TRDN: variants seen among roughly 807,000 people sequenced by gnomAD.
The protein encoded by TRDN is triadin, also known as triadin in skeletal muscle.
Under a neutral mutation model 149.7 loss-of-function variants are expected in TRDN, and 161 were observed. That is an observed-to-expected ratio of 1.08 (90% confidence interval 0.95 to 1.23). The LOEUF (loss-of-function observed/expected upper bound fraction) is 1.23. Ranked by LOEUF, TRDN falls within the 50% of genes most tolerant of loss-of-function variation. The pLI is 0.00. For missense variants in TRDN, 896 were observed against 823.5 expected (o/e 1.09, Z -1.08); for synonymous variants, 294 against 250.5 (o/e 1.17, Z -1.64).
chr6:123,465,044 A>G (rs377043949), intron 9 of TRDN, 61 bp from the exon 10 acceptor site: 3 of 1,516,094 alleles, frequency 2.0e-6, no homozygotes, highest in African/African-American at 1.4e-5. Flanking sequence ...AATATCCACA[A>G]CTAAAAAGCT....
intron 9 of TRDN, chr6:123,488,664 T>A (rs1414248088): frequency 1.3e-5 from 2 of 152,198 alleles, no homozygotes; most frequent in African/African-American, 4.8e-5. Context: ...TTGATCTTTT[T>A]AATTTCATTC....
At chr6:123,239,067 C>G (rs1041962950) in intron 38 of TRDN, among the ~76,000 whole-genome samples, 4 of 152,128 alleles carry the variant, frequency 2.6e-5, no homozygotes, top group African/African-American at 9.7e-5. Flanking sequence ...TCTTGATCTC[C>G]TGACCTCATG....
intron 1 of TRDN, among the ~76,000 whole-genome samples, chr6:123,597,674 C>T (rs534771005): frequency 2.6e-5 from 4 of 152,186 alleles, no homozygotes; most frequent in East Asian, 1.9e-4. Flanking sequence ...CAGACATCAA[C>T]ATCAAGGCAA....
rs542325132 is a variant in TRDN at position 123,260,715 on chromosome 6, T to C, written c.1805-77A>G. 147 of 1,167,498 alleles carry C rather than the reference T, an allele frequency of 1.3e-4. 1 individual carries two copies. In the African/African-American group the frequency reaches 2.2e-3, roughly 17 times the overall value. The allele number at this position is 1,167,498 out of a possible 1,614,324, so 72.3% of individuals were successfully genotyped here. On this transcript the variant is annotated intron_variant, in intron 33 of 40. Transcript: ENST00000334268. ...AGAAAAAGTATAGTTTTTTATTCAG[T>C]AGCAAACAATTGAAACTTATCTTCT...
At chr6:123,320,137 CAATT>C (rs1296183079) in intron 23 of TRDN, among the ~76,000 whole-genome samples, 2 of 151,344 alleles carry the variant, frequency 1.3e-5, no homozygotes, top group Non-Finnish European at 1.5e-5. Flanking sequence ...ATTTTTTTCT[CAATT>C]TATTTTGTTA....
chr6:123,261,158 T>G (rs1173415583), intron 33 of TRDN, among the ~76,000 whole-genome samples: 1 of 151,884 alleles, frequency 6.6e-6, no homozygotes, highest in East Asian at 1.9e-4. Context: ...TTAAAAAACA[T>G]ACGATATAAT....
chr6:123,286,747 G>T (rs533584300), intron 24 of TRDN, among the ~76,000 whole-genome samples: 2 of 152,038 alleles, frequency 1.3e-5, no homozygotes, highest in South Asian at 2.1e-4. Flanking sequence ...TTCAGCATGT[G>T]GGGGAGTGTT....
At position 123,383,668 on chromosome 6, in the gene TRDN, C is replaced by T. The variant is rs1781802544; in HGVS notation, c.1136-1521G>A. 2.6e-5 allele frequency among the ~76,000 whole-genome samples: 4 copies of T among 151,698 alleles called. No homozygotes were observed. The South Asian group carries it at 8.3e-4, about 31-fold the overall frequency. On this transcript the variant is annotated intron_variant, in intron 14 of 40. Coordinates refer to ENST00000334268, the MANE Select transcript of TRDN (RefSeq NM_006073.4). ...ACTAAATAAGATAAATTAAATAATG[C>T]AAAATAAAAATAAAAACATAATATA...
chr6:123,263,411 G>A (rs574322547), intron 33 of TRDN, among the ~76,000 whole-genome samples: 2 of 152,176 alleles, frequency 1.3e-5, no homozygotes, highest in African/African-American at 2.4e-5. Context: ...TAACGTAAAA[G>A]TATAAGATGA....
chr6:123,328,453 T>C (rs1351230326), intron 23 of TRDN, among the ~76,000 whole-genome samples: 1 of 152,204 alleles, frequency 6.6e-6, no homozygotes, highest in Non-Finnish European at 1.5e-5. Context: ...TATTTCAGCC[T>C]GAGAACTGTA....
At chr6:123,599,691 AG>A (rs1784192557) in intron 1 of TRDN, among the ~76,000 whole-genome samples, 2 of 151,988 alleles carry the variant, frequency 1.3e-5, no homozygotes, top group Non-Finnish European at 2.9e-5. Context: ...AGAATGTATG[AG>A]GGTTGGTTAT....
At chr6:123,452,069 A>G (rs1775810280) in intron 10 of TRDN, among the ~76,000 whole-genome samples, 1 of 152,184 alleles carries the variant, frequency 6.6e-6, no homozygotes, top group Non-Finnish European at 1.5e-5. Flanking sequence ...TAAAACTCTC[A>G]GCAAAATCAG....
chr6:123,456,596 G>T (rs976075200), intron 10 of TRDN, among the ~76,000 whole-genome samples: 1 of 151,980 alleles, frequency 6.6e-6, no homozygotes, highest in Non-Finnish European at 1.5e-5. Context: ...ATCTTCCTGA[G>T]TAGCTGGGAC....
chr6:123,225,844 G>A (rs946327862), intron 38 of TRDN, among the ~76,000 whole-genome samples: 2 of 151,696 alleles, frequency 1.3e-5, no homozygotes, highest in African/African-American at 4.8e-5. Context: ...GTAATTTTAA[G>A]TCTGAGGCAA....
intron 2 of TRDN, among the ~76,000 whole-genome samples, chr6:123,557,738 G>T (rs1781751638): frequency 6.6e-6 from 1 of 151,770 alleles, no homozygotes; most frequent in Non-Finnish European, 1.5e-5. Context: ...TTTTCTGGGG[G>T]GCAAGCACCT....
chr6:123,390,866 C>T (rs192651429), intron 13 of TRDN, among the ~76,000 whole-genome samples: 2 of 152,130 alleles, frequency 1.3e-5, no homozygotes, highest in East Asian at 3.9e-4. Flanking sequence ...TGATGTTGTT[C>T]TCTTTCTGTG....
intron 19 of TRDN, among the ~76,000 whole-genome samples, chr6:123,368,747 C>A (rs1217126864): frequency 6.6e-6 from 1 of 152,116 alleles, no homozygotes; most frequent in African/African-American, 2.4e-5. Context: ...TATTCTTTGG[C>A]ACCATTTTTT....
chr6:123,333,437 C>A (rs887294935), intron 22 of TRDN, among the ~76,000 whole-genome samples: 11 of 152,152 alleles, frequency 7.2e-5, no homozygotes, highest in African/African-American at 2.6e-4. Context: ...AGATTGTAAA[C>A]CCAATACCGT....
intron 7 of TRDN, among the ~76,000 whole-genome samples, chr6:123,511,175 G>T (rs775997528): frequency 1.3e-5 from 2 of 152,102 alleles, no homozygotes; most frequent in Non-Finnish European, 2.9e-5. Context: ...AGAGATAGAG[G>T]TCTAGTTTCA....
Sources: allele counts gnomAD v4.1 joint callset (sites outside exome capture counted in the v4.1 genomes callset), GRCh38; gene constraint gnomAD v4.1.1; transcripts MANE v1.5; gene names NCBI Gene and HGNC (gene_info 2026-07-23, HGNC 2026-07-21).